CERK: variants seen among roughly 807,000 people sequenced by gnomAD.
CERK encodes the protein acylsphingosine kinase.
In CERK, 39 loss-of-function variants were observed where a neutral mutation model predicts 63.4. The ratio of observed to expected loss-of-function variants is 0.61; its 90% CI spans 0.48 to 0.80. The LOEUF is 0.80. Among genes scored for constraint, CERK ranks in the 30% least tolerant of loss-of-function variants. The probability of loss-of-function intolerance (pLI) is 0.00; values close to 1 mark genes in which losing one functional copy is unlikely to be tolerated. For missense variants in CERK, 670 were observed against 714.1 expected, an observed-to-expected ratio of 0.94 and a Z score of 0.70; for synonymous variants, 302 against 280.0, an observed-to-expected ratio of 1.08 and a Z score of -0.78.
intron 1 of CERK, among the ~76,000 whole-genome samples, chr22:46,737,576 G>C (rs909067808): frequency 6.6e-6 from 1 of 152,224 alleles, no homozygotes; most frequent in Non-Finnish European, 1.5e-5. Flanking sequence ...CTCAGGTTTC[G>C]GATCCCTGCT....
chr22:46,707,853 G>A lies in CERK; in HGVS notation c.705C>T (p.Ile235=), dbSNP rs746298673. ...AGGCCGGCTCCATACCTGCGGGAAT[G>A]ATTCCAATCCGGAGGCTACTGGGGA... ...VLVPSSLRIG[I]IPAGSTDCVC... The change falls in exon 6 of 13, where the codon ATC becomes ATT. Residue 235 remains isoleucine, a synonymous_variant. Coordinates refer to ENST00000216264, the MANE Select transcript of CERK (RefSeq NM_022766.6). 9 of 1,610,056 alleles carry A rather than the reference G, an allele frequency of 5.6e-6. No individual in the cohort carries two copies. The Admixed American group carries it at 1.2e-4, about 21-fold the overall frequency.
At chr22:46,719,172 GTC>G (rs71685782) in intron 3 of CERK, among the ~76,000 whole-genome samples, 123 of 150,320 alleles carry the variant, frequency 8.2e-4, no homozygotes, top group African/African-American at 2.9e-3. Context: ...GTGTGTGTGT[GTC>G]TACCATATGT....
chr22:46,715,594 G>A (rs1269736620), intron 3 of CERK, among the ~76,000 whole-genome samples: 2 of 152,054 alleles, frequency 1.3e-5, no homozygotes, highest in Non-Finnish European at 2.9e-5. Context: ...GCTGAGGCAG[G>A]AGGATCGCTT....
chr22:46,695,338 A>G (rs1280367473), intron 8 of CERK, 23 bp from the exon 9 acceptor site: 1 of 1,327,018 alleles, frequency 7.5e-7, no homozygotes, highest in Non-Finnish European at 1.1e-6. Context: ...TGCAGTGAAG[A>G]AAAAACATCC....
At chr22:46,696,090 A>G (rs1168680761) in intron 8 of CERK, among the ~76,000 whole-genome samples, 2 of 152,132 alleles carry the variant, frequency 1.3e-5, no homozygotes, top group Non-Finnish European at 2.9e-5. Flanking sequence ...TACCCCCGAC[A>G]CACAGAGGCC....
chr22:46,688,418 A>C (rs997430353), intron 12 of CERK, among the ~76,000 whole-genome samples: 1 of 152,268 alleles, frequency 6.6e-6, no homozygotes, highest in Non-Finnish European at 1.5e-5. Flanking sequence ...CAAACTTGTC[A>C]AATGAGTTGA....
intron 3 of CERK, among the ~76,000 whole-genome samples, chr22:46,715,907 C>T (rs549843193): frequency 1.1e-3 from 171 of 152,020 alleles, no homozygotes; most frequent in African/African-American, 3.6e-3. Context: ...AAAAATAGGC[C>T]GAGTATAGTA....
intron 1 of CERK, among the ~76,000 whole-genome samples, chr22:46,726,772 C>G (rs371715871): frequency 2.0e-5 from 3 of 151,744 alleles, no homozygotes; most frequent in African/African-American, 7.3e-5. Flanking sequence ...TGTCCCCCGC[C>G]CCTCCCCGCC....
At chr22:46,692,904 CAAAAAA>C (rs34255348) in intron 10 of CERK, among the ~76,000 whole-genome samples, 1 of 92,988 alleles carries the variant, frequency 1.1e-5, no homozygotes, top group Non-Finnish European at 2.2e-5. Context: ...AAACTCCATC[CAAAAAA>C]AAAAAAAAAA....
rs113771568 is a variant in CERK at position 46,725,380 on chromosome 22, C to A, written c.143-4365G>T. ...CAGGTCATGTGGACGGCAGTGGGAC[C>A]ACCGAGGGCTGGCACACAGAAGAAT... On this transcript the variant is annotated intron_variant, in intron 1 of 12. Transcript: ENST00000216264. Among the ~76,000 whole-genome samples, 1,431 of 152,186 alleles carry A rather than the reference C, an allele frequency of 9.4e-3. 19 individuals are homozygous for A. Among genetic ancestry groups the A allele is most frequent in the African/African-American group, 0.033 (1,366 of 41,528 alleles).
intron 1 of CERK, among the ~76,000 whole-genome samples, chr22:46,727,940 C>T (rs894383926): frequency 6.6e-6 from 1 of 152,162 alleles, no homozygotes; most frequent in Non-Finnish European, 1.5e-5. Flanking sequence ...GGAAACAGGG[C>T]TGTGGCATGT....
chr22:46,688,103 G>T (rs1399940100), intron 12 of CERK, among the ~76,000 whole-genome samples: 1 of 152,142 alleles, frequency 6.6e-6, no homozygotes. Context: ...CAGGAGAATT[G>T]CTTGAACCTG....
intron 1 of CERK, among the ~76,000 whole-genome samples, chr22:46,726,472 C>A (rs1391415388): frequency 6.6e-6 from 1 of 152,184 alleles, no homozygotes; most frequent in African/African-American, 2.4e-5. Flanking sequence ...CTGACCTCCA[C>A]ATGCCCGGCC....
intron 1 of CERK, among the ~76,000 whole-genome samples, chr22:46,728,607 T>C (rs948586835): frequency 2.0e-5 from 3 of 152,174 alleles, no homozygotes; most frequent in African/African-American, 7.2e-5. Flanking sequence ...AGACATCTAG[T>C]TCTGGCCAGA....
chr22:46,702,608 G>C (rs1177771508), intron 6 of CERK, among the ~76,000 whole-genome samples: 1 of 152,222 alleles, frequency 6.6e-6, no homozygotes, highest in Non-Finnish European at 1.5e-5. Context: ...TTCTGAAACA[G>C]CTGGATGCGG....
At chr22:46,697,941 CTG>C (rs1748699090) in intron 8 of CERK, among the ~76,000 whole-genome samples, 1 of 152,238 alleles carries the variant, frequency 6.6e-6, no homozygotes, top group African/African-American at 2.4e-5. Flanking sequence ...ATTCTAAACT[CTG>C]TGGTCGGGTA....
intron 7 of CERK, among the ~76,000 whole-genome samples, chr22:46,701,192 C>T (rs1163862287): frequency 2.0e-5 from 3 of 152,174 alleles, no homozygotes; most frequent in African/African-American, 7.2e-5. Flanking sequence ...GACCGGGGCT[C>T]TGCATCCTGG....
chr22:46,701,842 T>G (rs1422357653), intron 6 of CERK, 132 bp from the exon 7 acceptor site: 1 of 623,076 alleles, frequency 1.6e-6, no homozygotes, highest in Non-Finnish European at 2.7e-6. Context: ...TAAATAGAAT[T>G]TACCTACAAA....
rs967325367 is a variant in CERK, at chr22:46,712,211, C to A, written c.462G>T (p.Val154=). ...GQGKRIYERK[V]APLFTLASIT... is the part of the protein sequence containing the mutation. The stretch of plus-strand genomic sequence containing the variant: ...TGGAGGCTAAGGTGAACAGTGGTGC[C>A]ACTTTTCTTTCATATATCCGCTTGC... Residue 154 remains valine (V), a synonymous_variant, in exon 4 of 13, where the codon GTG becomes GTT. Transcript: ENST00000216264. 2 of 1,614,164 alleles carry A rather than the reference C, an allele frequency of 1.2e-6. No homozygotes were observed. Among genetic ancestry groups the A allele is most frequent in the Non-Finnish European group, 1.7e-6 (2 of 1,180,004 alleles).
Sources: allele counts gnomAD v4.1 joint callset (sites outside exome capture counted in the v4.1 genomes callset), GRCh38; gene constraint gnomAD v4.1.1; transcripts MANE v1.5; gene names NCBI Gene and HGNC (gene_info 2026-07-23, HGNC 2026-07-21).